KCNMB2: variants seen among roughly 807,000 people sequenced by gnomAD.
KCNMB2 encodes calcium-activated potassium channel subunit beta-2.
A neutral mutation model predicts 24.5 loss-of-function variants in KCNMB2; 9 were observed. That is an observed-to-expected ratio of 0.37 (90% CI 0.22 to 0.64). KCNMB2 has a LOEUF of 0.64. Ranked by LOEUF, KCNMB2 falls within the 30% of genes least tolerant of loss-of-function variation. The pLI is 0.63. For synonymous variants in KCNMB2, 109 were observed against 104.4 expected, an observed-to-expected ratio of 1.04 and a Z score of -0.27; for missense variants, 226 against 284.3, an observed-to-expected ratio of 0.79 and a Z score of 1.47.
chr3:178,778,071 A>AT (rs1712656334), intron 1 of KCNMB2, among the ~76,000 whole-genome samples: 1 of 151,962 alleles, frequency 6.6e-6, no homozygotes, highest in Non-Finnish European at 1.5e-5. Context: ...CACAATGACT[A>AT]TTTTTTTACC....
intron 1 of KCNMB2, among the ~76,000 whole-genome samples, chr3:178,778,678 G>A (rs576661726): frequency 1.6e-4 from 24 of 152,246 alleles, no homozygotes; most frequent in East Asian, 5.8e-4. Context: ...GTACCTGCAC[G>A]TTACTGTTTG....
chr3:178,664,447 T>C (rs1219807849), intron 1 of KCNMB2, among the ~76,000 whole-genome samples: 1 of 152,096 alleles, frequency 6.6e-6, no homozygotes, highest in African/African-American at 2.4e-5. Flanking sequence ...AACCTGGGCA[T>C]GCACTCCTCT....
At chr3:178,600,126 C>A (rs771714008) in intron 1 of KCNMB2, among the ~76,000 whole-genome samples, 4 of 152,168 alleles carry the variant, frequency 2.6e-5, no homozygotes, top group African/African-American at 9.7e-5. Flanking sequence ...GATCCACCCA[C>A]CTCGGCCTCC....
chr3:178,704,535 T>A (rs1408930609), intron 1 of KCNMB2, among the ~76,000 whole-genome samples: 8 of 152,152 alleles, frequency 5.3e-5, no homozygotes, highest in African/African-American at 1.9e-4. Flanking sequence ...ATTGTATTTA[T>A]TGGCACATGG....
intron 1 of KCNMB2, among the ~76,000 whole-genome samples, chr3:178,674,489 A>G (rs1721007796): frequency 6.6e-6 from 1 of 152,176 alleles, no homozygotes; most frequent in Non-Finnish European, 1.5e-5. Flanking sequence ...CATTCCCTAC[A>G]TCTAATCCAT....
intron 1 of KCNMB2, among the ~76,000 whole-genome samples, chr3:178,651,355 C>G (rs1720114460): frequency 6.6e-6 from 1 of 152,156 alleles, no homozygotes; most frequent in African/African-American, 2.4e-5. Context: ...AGAAATACAA[C>G]TTACAAGGGA....
intron 1 of KCNMB2, among the ~76,000 whole-genome samples, chr3:178,605,197 A>G (rs1014128614): frequency 3.3e-5 from 5 of 152,144 alleles, no homozygotes; most frequent in Non-Finnish European, 7.4e-5. Context: ...GAATGGGATT[A>G]AAGCCCTTAT....
intron 1 of KCNMB2, among the ~76,000 whole-genome samples, chr3:178,602,794 G>C (rs955488689): frequency 1.3e-5 from 2 of 152,172 alleles, no homozygotes; most frequent in Non-Finnish European, 2.9e-5. Flanking sequence ...CGGGAGGGTA[G>C]GACAGACAGC....
chr3:178,684,267 TCA>T (rs1307929925), intron 1 of KCNMB2, among the ~76,000 whole-genome samples: 1 of 142,454 alleles, frequency 7.0e-6, no homozygotes, highest in Admixed American at 7.7e-5. Context: ...TTGCATAATC[TCA>T]GTTATATGTG....
chr3:178,750,793 T>G (rs989913200), intron 1 of KCNMB2, among the ~76,000 whole-genome samples: 4 of 151,868 alleles, frequency 2.6e-5, no homozygotes, highest in African/African-American at 9.7e-5. Flanking sequence ...GGAAAACTTT[T>G]CACCCTGGCA....
At chr3:178,768,656 A>G (rs1712222447) in intron 1 of KCNMB2, among the ~76,000 whole-genome samples, 1 of 152,188 alleles carries the variant, frequency 6.6e-6, no homozygotes, top group African/African-American at 2.4e-5. Flanking sequence ...TACTCTCAGG[A>G]CACCTGCTTT....
intron 1 of KCNMB2, among the ~76,000 whole-genome samples, chr3:178,628,331 A>C (rs2108534793): frequency 6.6e-6 from 1 of 152,326 alleles, no homozygotes; most frequent in South Asian, 2.1e-4. Context: ...GTAAGCAAAT[A>C]GTTCTTGGAA....
intron 1 of KCNMB2, among the ~76,000 whole-genome samples, chr3:178,636,858 C>T (rs1480404233): frequency 6.6e-6 from 1 of 152,116 alleles, no homozygotes; most frequent in Non-Finnish European, 1.5e-5. Context: ...AGTATTAAGC[C>T]CATGCCCCCC....
chr3:178,712,582 A>G (rs984238925), intron 1 of KCNMB2, among the ~76,000 whole-genome samples: 1 of 152,236 alleles, frequency 6.6e-6, no homozygotes, highest in African/African-American at 2.4e-5. Context: ...AGGCACTGCA[A>G]TATTAGGTGT....
At chr3:178,731,869 C>T (rs1407696600) in intron 1 of KCNMB2, among the ~76,000 whole-genome samples, 4 of 152,222 alleles carry the variant, frequency 2.6e-5, no homozygotes, top group Non-Finnish European at 5.9e-5. Flanking sequence ...TGCCGCTGCA[C>T]TCCAGCTTGG....
intron 2 of KCNMB2, among the ~76,000 whole-genome samples, chr3:178,823,397 C>T (rs1220558270): frequency 5.3e-5 from 8 of 151,970 alleles, no homozygotes; most frequent in Non-Finnish European, 1.2e-4. Context: ...AAGACAAGGC[C>T]GTGAAATGAT....
intron 1 of KCNMB2, among the ~76,000 whole-genome samples, chr3:178,681,382 T>C (rs999348695): frequency 6.6e-6 from 1 of 152,190 alleles, no homozygotes; most frequent in Non-Finnish European, 1.5e-5. Flanking sequence ...GTTAGAAGCC[T>C]GACAACATCT....
chr3:178,622,749 C>T (rs1022162100), intron 1 of KCNMB2, among the ~76,000 whole-genome samples: 1 of 152,172 alleles, frequency 6.6e-6, no homozygotes, highest in Non-Finnish European at 1.5e-5. Flanking sequence ...CTTATCCAGG[C>T]GCCCCTGCTG....
At chr3:178,756,279 T>C (rs1203500200) in intron 1 of KCNMB2, among the ~76,000 whole-genome samples, 3 of 151,694 alleles carry the variant, frequency 2.0e-5, no homozygotes, top group Admixed American at 6.6e-5. Context: ...TTTGTGTGAA[T>C]AGAGAAAAGT....
Sources: allele counts gnomAD v4.1 joint callset (sites outside exome capture counted in the v4.1 genomes callset), GRCh38; gene constraint gnomAD v4.1.1; transcripts MANE v1.5; gene names NCBI Gene and HGNC (gene_info 2026-07-23, HGNC 2026-07-21).